Variants in CYRIA observed in about 807,000 individuals in gnomAD.
The protein encoded by CYRIA is CYFIP-related Rac1 interactor A.
In CYRIA, 15 loss-of-function variants were observed where a neutral mutation model predicts 43.9. The observed-to-expected ratio is 0.34, with a 90% confidence interval of 0.23 to 0.53. The LOEUF is 0.53. CYRIA is among the 20% of genes least tolerant of loss of function. CYRIA has a pLI of 0.94. For synonymous variants in CYRIA, 117 were observed against 136.0 expected (o/e 0.86, Z 0.97); for missense variants, 236 against 394.2 (o/e 0.60, Z 3.40).
chr2:16,625,319 C>A (rs1669127642), intron 1 of CYRIA, among the ~76,000 whole-genome samples: 1 of 151,066 alleles, frequency 6.6e-6, no homozygotes, highest in Non-Finnish European at 1.5e-5. Flanking sequence ...ATTATCAACG[C>A]TCCCTGGCTC....
chr2:16,588,582 C>A (rs2103459807), intron 2 of CYRIA, among the ~76,000 whole-genome samples: 1 of 152,216 alleles, frequency 6.6e-6, no homozygotes, highest in East Asian at 1.9e-4. Context: ...TGCTTTGTTT[C>A]CTTTAGATAG....
chr2:16,582,427 G>A (rs1008442350), intron 3 of CYRIA, among the ~76,000 whole-genome samples: 1 of 152,132 alleles, frequency 6.6e-6, no homozygotes, highest in South Asian at 2.1e-4. Context: ...TATTCTTAGT[G>A]TTGTGCAACC....
chr2:16,625,484 G>A (rs1669133947), intron 1 of CYRIA, among the ~76,000 whole-genome samples: 1 of 152,222 alleles, frequency 6.6e-6, no homozygotes, highest in South Asian at 2.1e-4. Flanking sequence ...TTGGCTTGAT[G>A]AGAAAGTGAT....
chr2:16,663,311 C>T (rs1013601078), intron 1 of CYRIA, among the ~76,000 whole-genome samples: 17 of 152,346 alleles, frequency 1.1e-4, no homozygotes, highest in African/African-American at 4.1e-4. Context: ...TATGAGTGAA[C>T]TGACTTTCTC....
chr2:16,611,296 T>C (rs1572504753), intron 2 of CYRIA, among the ~76,000 whole-genome samples: 1 of 151,532 alleles, frequency 6.6e-6, no homozygotes, highest in African/African-American at 2.4e-5. Context: ...ACCCAGGAGG[T>C]GGAGGTTGCA....
chr2:16,643,944 G>A (rs150744699), intron 1 of CYRIA, among the ~76,000 whole-genome samples: 60 of 152,268 alleles, frequency 3.9e-4, no homozygotes, highest in Admixed American at 1.0e-3. Flanking sequence ...CAGACATTCC[G>A]TAAGTATCTG....
At chr2:16,637,722 A>C (rs1169879444) in intron 1 of CYRIA, among the ~76,000 whole-genome samples, 3 of 152,262 alleles carry the variant, frequency 2.0e-5, no homozygotes, top group Non-Finnish European at 4.4e-5. Flanking sequence ...TAATAATGGC[A>C]AATACTTATG....
chr2:16,645,020 C>T (rs1022887189), intron 1 of CYRIA, among the ~76,000 whole-genome samples: 5 of 152,086 alleles, frequency 3.3e-5, no homozygotes, highest in African/African-American at 1.2e-4. Context: ...GGAAAGAAAG[C>T]CTTGGGACAG....
intron 2 of CYRIA, among the ~76,000 whole-genome samples, chr2:16,620,359 C>T (rs897118945): frequency 1.3e-5 from 2 of 152,160 alleles, no homozygotes; most frequent in Non-Finnish European, 2.9e-5. Context: ...CATTTCACAG[C>T]TATCTGTGTA....
rs112670038 is a variant in CYRIA, at chr2:16,618,911, T to C, written c.-11+4953A>G. Among the ~76,000 whole-genome samples, 535 of 152,320 alleles carry C rather than the reference T, an allele frequency of 3.5e-3. 4 individuals carry two copies. Among genetic ancestry groups the C allele is most frequent in the African/African-American group, 0.011 (446 of 41,560 alleles). The stretch of plus-strand genomic sequence containing the variant: ...AGTCCAAACACAATGCTTAGTTTCA[T>C]AATTTCCTCCTTGGTCTGCCTGAAG... On this transcript the variant is annotated intron_variant, in intron 2 of 11. Transcript: ENST00000381323.
chr2:16,617,920 CAG>C (rs545132071), intron 2 of CYRIA, among the ~76,000 whole-genome samples: 23 of 152,346 alleles, frequency 1.5e-4, no homozygotes, highest in Admixed American at 1.3e-3. Flanking sequence ...ACTGGTGACT[CAG>C]TGGCAGTTTG....
intron 2 of CYRIA, among the ~76,000 whole-genome samples, chr2:16,612,430 T>C (rs1281939728): frequency 6.6e-6 from 1 of 152,192 alleles, no homozygotes; most frequent in Non-Finnish European, 1.5e-5. Context: ...GGTTCCACCA[T>C]GGTGACACTC....
intron 2 of CYRIA, among the ~76,000 whole-genome samples, chr2:16,622,328 G>A (rs1274713386): frequency 6.6e-6 from 1 of 152,188 alleles, no homozygotes; most frequent in Admixed American, 6.5e-5. Flanking sequence ...TCTGGCTAAA[G>A]TCCGGGTGAG....
intron 3 of CYRIA, among the ~76,000 whole-genome samples, chr2:16,568,317 G>T (rs1667021537): frequency 6.6e-6 from 1 of 151,096 alleles, no homozygotes; most frequent in African/African-American, 2.4e-5. Flanking sequence ...AACTTTTTCA[G>T]GTTTTATGGC....
At chr2:16,604,951 T>C (rs972462466) in intron 2 of CYRIA, among the ~76,000 whole-genome samples, 3 of 152,232 alleles carry the variant, frequency 2.0e-5, no homozygotes, top group Non-Finnish European at 4.4e-5. Context: ...AATGAGTTAA[T>C]GGCTAAAGTG....
At chr2:16,643,490 T>C (rs1256090429) in intron 1 of CYRIA, among the ~76,000 whole-genome samples, 1 of 152,234 alleles carries the variant, frequency 6.6e-6, no homozygotes, top group Non-Finnish European at 1.5e-5. Flanking sequence ...GAGACTTCAA[T>C]ATGCAGCAAT....
intron 1 of CYRIA, among the ~76,000 whole-genome samples, chr2:16,635,290 T>C (rs886119670): frequency 6.6e-6 from 1 of 152,156 alleles, no homozygotes; most frequent in African/African-American, 2.4e-5. Context: ...GAGATCCTGA[T>C]GGGGAGATAG....
At chr2:16,634,945 C>G (rs1669448307) in intron 1 of CYRIA, among the ~76,000 whole-genome samples, 1 of 152,210 alleles carries the variant, frequency 6.6e-6, no homozygotes, top group Admixed American at 6.5e-5. Context: ...AGGAGCAAAC[C>G]ACTGAATGGA....
intron 3 of CYRIA, among the ~76,000 whole-genome samples, chr2:16,574,200 G>T (rs1220386960): frequency 6.6e-6 from 1 of 152,148 alleles, no homozygotes; most frequent in Non-Finnish European, 1.5e-5. Context: ...TTTTGCCCCT[G>T]CCCCAGAGAT....
Sources: gnomAD v4.1 joint callset for allele counts (sites outside exome capture counted in the v4.1 genomes callset) on GRCh38, gnomAD v4.1.1 for gene constraint, MANE v1.5 for transcripts, NCBI Gene and HGNC (gene_info 2026-07-23, HGNC 2026-07-21) for gene names.